The following GCC2 variants were observed in gnomAD, a reference collection of about 807,000 sequenced individuals.
GCC2 encodes GRIP and coiled-coil domain-containing protein 2.
A neutral mutation model predicts 210.6 loss-of-function variants in GCC2; 120 were observed. The observed-to-expected ratio is 0.57, with a 90% confidence interval of 0.49 to 0.66. The LOEUF is 0.66. GCC2 is among the 30% of genes least tolerant of loss of function. GCC2 has a pLI of 0.00. For synonymous variants in GCC2, 703 were observed against 652.7 expected, an observed-to-expected ratio of 1.08 and a Z score of -1.17; for missense variants, 1,868 against 1,871.9, an observed-to-expected ratio of 1.00 and a Z score of 0.04.
intron 9 of GCC2, among the ~76,000 whole-genome samples, chr2:108,477,479 GT>G (rs1681602932): frequency 6.6e-6 from 1 of 152,164 alleles, no homozygotes; most frequent in African/African-American, 2.4e-5. Context: ...CACAGAACAA[GT>G]AACAGAGCAG....
chr2:108,463,212 G>A (rs1171901992), intron 4 of GCC2, among the ~76,000 whole-genome samples: 2 of 152,044 alleles, frequency 1.3e-5, no homozygotes, highest in South Asian at 2.1e-4. Context: ...CTTTTAGATT[G>A]AGATCTGTTG....
chr2:108,498,183 C>CTTTTTTTTTTTTTTT lies in GCC2; in HGVS notation c.4782+1090_4782+1104dup, dbSNP rs3084885. 1.6e-4 allele frequency among the ~76,000 whole-genome samples: 9 copies of CTTTTTTTTTTTTTTT among 57,480 alleles called. 1 individual carries two copies. Among genetic ancestry groups the CTTTTTTTTTTTTTTT allele is most frequent in the African/African-American group, 2.9e-4 (4 of 13,650 alleles). The allele number at this position is 57,480 out of a possible 152,430, so 37.7% of individuals were successfully genotyped here. Reference sequence around the variant, plus strand: ...ATGACTTATTTAAATGTTATATTTTCTTTTTTTTTTTTTTTTTTTTTTTTT... The same window carrying CTTTTTTTTTTTTTTT: ...ATGACTTATTTAAATGTTATATTTTCTTTTTTTTTTTTTTTTTTTTTTTTTTTTTTTTTTTTTTTT... On this transcript the variant is annotated intron_variant, in intron 21 of 22. Coordinates refer to ENST00000309863, the MANE Select transcript of GCC2 (RefSeq NM_181453.4).
intron 9 of GCC2, 63 bp from the exon 10 acceptor site, chr2:108,481,634 G>GA: frequency 7.9e-7 from 1 of 1,265,172 alleles, no homozygotes; most frequent in East Asian, 2.4e-5. Context: ...GTGGCTTGAT[G>GA]ATGAAGTCTG....
In GCC2 at chr2:108,471,011, T is replaced by C. The variant is rs1427539820; in HGVS notation, c.1682T>C (p.Ile561Thr). 6.2e-7 allele frequency: 1 copy of C among 1,612,206 alleles called. No individual in the cohort carries two copies. Reference protein sequence around the residue: ...QELVPELENTIKNLQEKNGVY... With the variant: ...QELVPELENTTKNLQEKNGVY... ...TTGGTACCAGAACTTGAAAATACCA[T>C]AAAGAACCTTCAAGAAAAGAATGGA... is the stretch of plus-strand genomic sequence containing the variant. The change falls in exon 6 of 23, where the codon ATA becomes ACA. Residue 561 changes from isoleucine to threonine, a missense_variant. Coordinates refer to ENST00000309863, the MANE Select transcript of GCC2 (RefSeq NM_181453.4).
chr2:108,481,012 GGA>G (rs980836975), intron 9 of GCC2, among the ~76,000 whole-genome samples: 4 of 152,212 alleles, frequency 2.6e-5, no homozygotes, highest in South Asian at 2.1e-4. Flanking sequence ...TTATAAGGAA[GGA>G]GAGAGAGAGA....
At chr2:108,474,448 A>G (rs1681403514) in intron 7 of GCC2, among the ~76,000 whole-genome samples, 1 of 152,222 alleles carries the variant, frequency 6.6e-6, no homozygotes, top group Non-Finnish European at 1.5e-5. Flanking sequence ...TGCGTTAAGC[A>G]ACATAGAGGT....
chr2:108,492,566 C>G lies in GCC2; in HGVS notation c.4230-7C>G. The G allele has an allele frequency of 1.3e-6, 2 of 1,583,332 alleles. No homozygotes were observed. Among genetic ancestry groups the G allele is most frequent in the Non-Finnish European group, 1.7e-6 (2 of 1,152,064 alleles). On this transcript the variant is annotated splice_region_variant and splice_polypyrimidine_tract_variant and intron_variant, in intron 18 of 22. Coordinates refer to ENST00000309863, the MANE Select transcript of GCC2 (RefSeq NM_181453.4). The stretch of plus-strand genomic sequence containing the variant: ...GATCTTCTGTAACTAAGTTTCTCAT[C>G]TTTCAGATTGTGTTCAATACAGTCA...
intron 9 of GCC2, among the ~76,000 whole-genome samples, chr2:108,476,723 T>A (rs1215194910): frequency 6.6e-6 from 1 of 152,198 alleles, no homozygotes; most frequent in Non-Finnish European, 1.5e-5. Context: ...GCAAATGTTA[T>A]GTGGCAGACT....
At position 108,471,662 on chromosome 2, in the gene GCC2, ATGT is replaced by A. The variant is rs768523280; in HGVS notation, c.2338_2340del (p.Val780del). On this transcript the variant is annotated inframe_deletion, in exon 6 of 23. Transcript: ENST00000309863. ...GTTTCAGAAGACAGTGAAGAGAAAG[ATGT>A]TGTTAATGTCCTACAGGCAGTCGGT... 49 of 1,613,298 alleles carry A rather than the reference ATGT, an allele frequency of 3.0e-5. No homozygotes were observed. Among genetic ancestry groups the A allele is most frequent in the South Asian group, 2.7e-4 (25 of 91,056 alleles).
chr2:108,452,903 A>G (rs912533943), intron 4 of GCC2, among the ~76,000 whole-genome samples: 1 of 152,032 alleles, frequency 6.6e-6, no homozygotes, highest in Admixed American at 6.6e-5. Flanking sequence ...CATGTTGGCC[A>G]AGATGGTCTT....
intron 4 of GCC2, among the ~76,000 whole-genome samples, chr2:108,455,353 C>T (rs1332405938): frequency 2.0e-5 from 3 of 152,034 alleles, no homozygotes; most frequent in South Asian, 4.1e-4. Context: ...GCAGAAGAAT[C>T]GCTTGAACCG....
At chr2:108,476,986 T>G (rs1446778601) in intron 9 of GCC2, among the ~76,000 whole-genome samples, 1 of 152,156 alleles carries the variant, frequency 6.6e-6, no homozygotes, top group East Asian at 1.9e-4. Flanking sequence ...TTTTGGCACT[T>G]AATGAAGAAA....
At chr2:108,453,290 A>G (rs1680058875) in intron 4 of GCC2, among the ~76,000 whole-genome samples, 1 of 152,172 alleles carries the variant, frequency 6.6e-6, no homozygotes, top group Non-Finnish European at 1.5e-5. Context: ...TATTCTCTAT[A>G]TGTGTCAGTC....
At chr2:108,450,944 G>T (rs1573334100) in intron 2 of GCC2, 84 bp from the exon 3 acceptor site, 1 of 845,650 alleles carries the variant, frequency 1.2e-6, no homozygotes, top group African/African-American at 1.7e-5. Flanking sequence ...GAATGTTTTT[G>T]TTTTCTAGCA....
chr2:108,489,465 A>G (rs949408458), intron 17 of GCC2, among the ~76,000 whole-genome samples: 2 of 152,070 alleles, frequency 1.3e-5, no homozygotes, highest in South Asian at 4.1e-4. Flanking sequence ...CAGTGAGCCA[A>G]GATTGCGCCA....
chr2:108,495,221 G>A (rs1330455025), intron 19 of GCC2, 70 bp from the exon 20 acceptor site: 4 of 850,066 alleles, frequency 4.7e-6, no homozygotes, highest in Non-Finnish European at 7.3e-6. Context: ...ATTTTATTGT[G>A]TATCTCTGTA....
chr2:108,477,784 G>A (rs1243703089), intron 9 of GCC2, among the ~76,000 whole-genome samples: 4 of 152,118 alleles, frequency 2.6e-5, no homozygotes, highest in Admixed American at 2.0e-4. Context: ...AGTTGCTCAC[G>A]CCTGTAATTC....
Position 108,493,567 on chromosome 2 carries a change from C to T in GCC2, c.4447+777C>T, listed in dbSNP as rs186643255. 3.0e-5 allele frequency: 30 copies of T among 985,388 alleles called. No homozygotes were observed. In the East Asian group the frequency reaches 1.7e-3, roughly 56 times the overall value. 61.0% of individuals were successfully genotyped at this position (985,388 alleles called of 1,614,324 possible). A position where few individuals can be genotyped will look rare whatever the true frequency, so the allele number is the denominator to read the frequency against. On this transcript the variant is annotated intron_variant, in intron 19 of 22. Coordinates refer to ENST00000309863, the MANE Select transcript of GCC2 (RefSeq NM_181453.4). ...TATAGCTTCTTTGCTTTCACATTTA[C>T]AATTAGTTGGAGTTTTAGTTCAGCC... is the stretch of plus-strand genomic sequence containing the variant.
chr2:108,500,069 A>G (rs1349472273), intron 22 of GCC2, among the ~76,000 whole-genome samples: 1 of 151,968 alleles, frequency 6.6e-6, no homozygotes, highest in African/African-American at 2.4e-5. Flanking sequence ...TTTAAATTCT[A>G]CTTTTTAAAA....
Sources: gnomAD v4.1 joint callset for allele counts (sites outside exome capture counted in the v4.1 genomes callset) on GRCh38, gnomAD v4.1.1 for gene constraint, MANE v1.5 for transcripts, NCBI Gene and HGNC (gene_info 2026-07-23, HGNC 2026-07-21) for gene names.